KDM3B: variants seen among roughly 807,000 people sequenced by gnomAD.
KDM3B encodes lysine demethylase 3B.
Under a neutral mutation model 170.0 loss-of-function variants are expected in KDM3B, and 10 were observed. That is an observed-to-expected ratio of 0.06 (90% CI 0.04 to 0.10). The LOEUF (loss-of-function observed/expected upper bound fraction) is 0.10. Ranked by LOEUF, KDM3B falls within the 10% of genes least tolerant of loss-of-function variation. The pLI is 1.00. For synonymous variants in KDM3B, 831 were observed against 834.8 expected (o/e 1.00, Z 0.08); for missense variants, 1,394 against 2,195.2 (o/e 0.64, Z 7.29).
intron 15 of KDM3B, among the ~76,000 whole-genome samples, chr5:138,422,987 T>G (rs976905555): frequency 6.6e-6 from 1 of 152,238 alleles, no homozygotes; most frequent in African/African-American, 2.4e-5. Flanking sequence ...TTGCCCAAGC[T>G]GGAGTGCAGT....
rs777519036 is a variant in KDM3B at position 138,391,222 on chromosome 5, G to A, written c.1590G>A (p.Met530Ile). The A allele has an allele frequency of 8.7e-6, 14 of 1,613,840 alleles. No individual in the cohort carries two copies. Among genetic ancestry groups the A allele is most frequent in the Non-Finnish European group, 1.2e-5 (14 of 1,179,966 alleles). Residue 530 changes from methionine to isoleucine, a missense_variant, in exon 8 of 24, where the codon ATG becomes ATA. By Grantham distance (10) the Met-to-Ile change is conservative (BLOSUM62 1). This residue lies in a region of KDM3B where 294 missense variants were observed against 311.7 expected (regional missense o/e 0.94). Coordinates refer to ENST00000314358, the MANE Select transcript of KDM3B (RefSeq NM_016604.4). This position sits in a 1 kb window ranked among gnomAD's most constrained non-coding sequence, Gnocchi z 5.0. ...DLSKNLFFQCMSQTLPTSNYF... is the reference protein window; with the variant it reads ...DLSKNLFFQCISQTLPTSNYF... ...CCAAAAACTTGTTTTTTCAATGCAT[G>A]TCCCAAACTTTACCTACCAGTAACT...
Position 138,426,958 on chromosome 5 carries a change from T to C in KDM3B, c.4412-17T>C, listed in dbSNP as rs375459652. 3 of 1,599,546 alleles carry C rather than the reference T, an allele frequency of 1.9e-6. No homozygotes were observed. The highest frequency in any genetic ancestry group is 1.3e-5 in the African/African-American group (1 of 74,164). On this transcript the variant is annotated splice_polypyrimidine_tract_variant and intron_variant, in intron 17 of 23. Transcript: ENST00000314358. ...CCAAACCAGCAGATGTTTGTGGGAG[T>C]ATTCTCTGTCTTCCAGAACGACTAC...
At position 138,421,068 on chromosome 5, in the gene KDM3B, T is replaced by C. The variant is rs1173043971; in HGVS notation, c.3972+106T>C. The C allele has an allele frequency of 7.7e-6, 10 of 1,306,606 alleles. No individual in the cohort carries two copies. In the Admixed American group the frequency reaches 1.0e-4, roughly 13 times the overall value. 80.9% of individuals were successfully genotyped at this position (1,306,606 alleles called of 1,614,324 possible). A position where few individuals can be genotyped will look rare whatever the true frequency, so the allele number is the denominator to read the frequency against. Reference sequence around the variant, plus strand: ...ACATGGGTGATTTGTGTTCTCTACATTGTCAAGCTGACAAGGTCTCTCTTT... The same window carrying C: ...ACATGGGTGATTTGTGTTCTCTACACTGTCAAGCTGACAAGGTCTCTCTTT... On this transcript the variant is annotated intron_variant, in intron 15 of 23. Coordinates refer to ENST00000314358, the MANE Select transcript of KDM3B (RefSeq NM_016604.4).
chr5:138,421,714 A>G (rs1466154842), intron 15 of KDM3B, among the ~76,000 whole-genome samples: 1 of 152,214 alleles, frequency 6.6e-6, no homozygotes, highest in African/African-American at 2.4e-5. Context: ...AAATAAAAGA[A>G]AAGGAGAAAA....
chr5:138,374,311 G>A, intron 2 of KDM3B: 1 of 442,004 alleles, frequency 2.3e-6, no homozygotes, highest in Non-Finnish European at 4.5e-6. Flanking sequence ...TGCTCAGGCT[G>A]GAGTGCAATG....
chr5:138,399,849 C>G lies in KDM3B; in HGVS notation c.3047-11C>G, dbSNP rs371763447. ...ATGATCAATGCCAATTCTGTTTCCTCTTTCCACCAGAGAAAGTGGCATGGA... is the reference window on the plus strand; with the variant it reads ...ATGATCAATGCCAATTCTGTTTCCTGTTTCCACCAGAGAAAGTGGCATGGA... On this transcript the variant is annotated splice_polypyrimidine_tract_variant and intron_variant, in intron 10 of 23. Transcript: ENST00000314358. 5 of 1,610,554 alleles carry G rather than the reference C, an allele frequency of 3.1e-6. No homozygotes were observed. The highest frequency in any genetic ancestry group is 2.2e-5 in the East Asian group (1 of 44,792).
intron 21 of KDM3B, 80 bp downstream of exon 21, chr5:138,430,045 T>C: frequency 6.5e-7 from 1 of 1,550,330 alleles, no homozygotes; most frequent in Non-Finnish European, 8.8e-7. Flanking sequence ...GGGTTTCTCA[T>C]GTAGAGTCCC....
chr5:138,412,494 A>G (rs979051256), intron 11 of KDM3B, among the ~76,000 whole-genome samples: 4 of 152,036 alleles, frequency 2.6e-5, no homozygotes, highest in Non-Finnish European at 4.4e-5. Context: ...TCTACAAAAA[A>G]AATTTAAAAA....
intron 14 of KDM3B, among the ~76,000 whole-genome samples, chr5:138,419,577 C>G (rs1042586024): frequency 2.0e-5 from 3 of 147,386 alleles, no homozygotes; most frequent in African/African-American, 7.5e-5. Context: ...ATGGCATGAA[C>G]CTGGGGGGCA....
At chr5:138,432,647 C>T (rs573766749) in intron 23 of KDM3B, among the ~76,000 whole-genome samples, 9 of 151,978 alleles carry the variant, frequency 5.9e-5, no homozygotes, top group East Asian at 1.9e-4. Flanking sequence ...CCAGCCTGGG[C>T]GACAGAGCGA....
chr5:138,377,858 T>C (rs373582458), intron 4 of KDM3B, 33 bp downstream of exon 4: 11 of 1,428,562 alleles, frequency 7.7e-6, no homozygotes, highest in Admixed American at 1.7e-5. Flanking sequence ...CCCTGAACTC[T>C]GATTCAGGTG....
intron 6 of KDM3B, among the ~76,000 whole-genome samples, chr5:138,382,665 GAAA>G (rs769877079): frequency 1.9e-4 from 29 of 151,738 alleles, no homozygotes; most frequent in Non-Finnish European, 4.0e-4. Flanking sequence ...AATAGGAAAA[GAAA>G]AAAAATTTTT....
intron 5 of KDM3B, 28 bp downstream of exon 5, chr5:138,379,736 G>A: frequency 1.9e-6 from 3 of 1,597,726 alleles, no homozygotes; most frequent in Non-Finnish European, 1.7e-6. Context: ...TCTGTCTAAG[G>A]TCCATCCATC....
At chr5:138,419,672 T>TATATATATATATATAC (rs1763210364) in intron 14 of KDM3B, among the ~76,000 whole-genome samples, 1 of 109,736 alleles carries the variant, frequency 9.1e-6, no homozygotes, top group Non-Finnish European at 1.9e-5. Flanking sequence ...AAAAAAAATA[T>TATATATATATATATAC]ATATATATAT....
chr5:138,405,290 C>T (rs1762788422), intron 11 of KDM3B, among the ~76,000 whole-genome samples: 1 of 151,742 alleles, frequency 6.6e-6, no homozygotes, highest in Non-Finnish European at 1.5e-5. Context: ...ATCCACCCGC[C>T]CCAGCCTCCC....
Position 138,386,025 on chromosome 5 carries a change from G to T in KDM3B, c.784G>T (p.Gly262Cys). 2 of 1,596,614 alleles carry T rather than the reference G, an allele frequency of 1.3e-6. No individual in the cohort carries two copies. The highest frequency in any genetic ancestry group is 1.4e-5 in the African/African-American group (1 of 74,022). The change falls in exon 7 of 24, where the codon GGT (glycine) becomes TGT (cysteine). Residue 262 changes from glycine to cysteine, a missense_variant. Gly to Cys is a radical substitution (Grantham distance 159, BLOSUM62 -3). Transcript: ENST00000314358. ...MDNSAPQSEGGTLKAVKSSKG... is the reference protein window; with the variant it reads ...MDNSAPQSEGCTLKAVKSSKG... ...TTTTTTGAATTTTGTTTTGTAGGGG[G>T]GTACGTTAAAAGCAGTAAAATCTTC...
chr5:138,407,424 C>G (rs779826720), intron 11 of KDM3B, among the ~76,000 whole-genome samples: 8 of 152,076 alleles, frequency 5.3e-5, no homozygotes, highest in Non-Finnish European at 8.8e-5. Context: ...TGGAAGCCCC[C>G]TCTCTCTCAC....
chr5:138,390,012 AC>A (rs1203927341), intron 7 of KDM3B, among the ~76,000 whole-genome samples: 1 of 151,912 alleles, frequency 6.6e-6, no homozygotes, highest in Non-Finnish European at 1.5e-5. Context: ...GGCACGTGCC[AC>A]CATGCCCGGC....
intron 1 of KDM3B, among the ~76,000 whole-genome samples, chr5:138,354,868 A>G (rs1316751744): frequency 6.6e-6 from 1 of 152,210 alleles, no homozygotes; most frequent in Non-Finnish European, 1.5e-5. Flanking sequence ...ATATCCAGGG[A>G]CATAGATGAG....
Sources: gnomAD v4.1 joint callset for allele counts (sites outside exome capture counted in the v4.1 genomes callset) on GRCh38, gnomAD v4.1.1 for gene constraint, gnomAD v4.1.1 regional missense constraint, Gnocchi (gnomAD v3.1) non-coding constraint, MANE v1.5 for transcripts, NCBI Gene and HGNC (gene_info 2026-07-23, HGNC 2026-07-21) for gene names.